Variants in TBC1D17 observed in about 807,000 individuals in gnomAD.
The protein encoded by TBC1D17 is TBC1 domain family member 17, also known as TBC1 domain family, member 17.
TBC1D17 carries 69 observed loss-of-function variants against 78.8 expected under a neutral mutation model. That is an observed-to-expected ratio of 0.88 (90% CI 0.72 to 1.07). The LOEUF is 1.07. Ranked by LOEUF, TBC1D17 falls within the 50% of genes least tolerant of loss-of-function variation. The pLI is 0.00. For synonymous variants in TBC1D17, 456 were observed against 358.3 expected (o/e 1.27, Z -3.08); for missense variants, 957 against 861.0 (o/e 1.11, Z -1.39).
At chr19:49,888,362 G>GACCCCCGCCCC in intron 16 of TBC1D17, 45 bp downstream of exon 16, 1 of 314,328 alleles carries the variant, frequency 3.2e-6, no homozygotes, top group Non-Finnish European at 4.5e-6. Flanking sequence ...AACCCCGACC[G>GACCCCCGCCCC]ACCCCCGCCC....
intron 9 of TBC1D17, 86 bp downstream of exon 9, chr19:49,883,162 T>G: frequency 7.9e-7 from 1 of 1,258,204 alleles, no homozygotes; most frequent in South Asian, 1.4e-5. Context: ...GGACGCTGGT[T>G]GTGAACCTGC....
In TBC1D17 at chr19:49,881,282, T is replaced by C; in HGVS notation, c.334T>C (p.Cys112Arg). 1 of 1,612,874 alleles carries C rather than the reference T, an allele frequency of 6.2e-7. No homozygotes were observed. The highest frequency in any genetic ancestry group is 1.1e-5 in the South Asian group (1 of 91,070). The change falls in exon 5 of 17, where the codon TGC (cysteine) becomes CGC (arginine). Residue 112 changes from cysteine (C) to arginine (R), a missense_variant. Physicochemically the swap from Cys to Arg is radical, Grantham distance 180. Transcript: ENST00000221543. Reference sequence around the variant, plus strand: ...CGTCTCCCTAGGTGCAGAGCCCAGCTGCCCCCAGGGCTCCTGGGCCTTCTC... The same window carrying C: ...CGTCTCCCTAGGTGCAGAGCCCAGCCGCCCCCAGGGCTCCTGGGCCTTCTC... ...SEPTRGAEPS[C>R]PQGSWAFSVS...
chr19:49,878,479 G>T lies in TBC1D17; in HGVS notation c.121-19G>T, dbSNP rs1394904296. 1.2e-6 allele frequency: 2 copies of T among 1,610,900 alleles called. No individual in the cohort carries two copies. The highest frequency in any genetic ancestry group is 1.3e-5 in the African/African-American group (1 of 74,846). ...TGGTTTGGGGAGCGCCTCTAACCCC[G>T]CCTCCCTCCTTACCCTAGGACAATG... On this transcript the variant is annotated intron_variant, in intron 2 of 16. Transcript: ENST00000221543.
Position 49,883,725 on chromosome 19 carries a change from A to G in TBC1D17, c.1106A>G (p.His369Arg), listed in dbSNP as rs772499963. Residue 369 changes from histidine (H) to arginine (R), a missense_variant, in exon 10 of 17, where the codon CAT becomes CGT. His to Arg is a conservative substitution (Grantham distance 29). Transcript: ENST00000221543. ...PEQERRNSLL[H>R]GYRSLIERDV... is the part of the protein sequence containing the mutation. Reference sequence around the variant, plus strand: ...CAGGAGCGGAGAAACTCACTTCTGCATGGATACCGCAGCCTCATCGGTCAG... The same window carrying G: ...CAGGAGCGGAGAAACTCACTTCTGCGTGGATACCGCAGCCTCATCGGTCAG... The G allele has an allele frequency of 5.0e-6, 8 of 1,613,910 alleles. No homozygotes were observed. The highest frequency in any genetic ancestry group is 2.2e-5 in the South Asian group (2 of 91,078).
At position 49,882,801 on chromosome 19, in the gene TBC1D17, C is replaced by G. The variant is rs770726296; in HGVS notation, c.836C>G (p.Pro279Arg). 37 of 1,604,930 alleles carry G rather than the reference C, an allele frequency of 2.3e-5. No individual in the cohort carries two copies. The highest frequency in any genetic ancestry group is 3.1e-5 in the Non-Finnish European group (37 of 1,175,688). The change falls in exon 8 of 17, where the codon CCT (proline) becomes CGT (arginine). Residue 279 changes from proline to arginine, a missense_variant. Pro to Arg is a moderately radical substitution (Grantham distance 103). Coordinates refer to ENST00000221543, the MANE Select transcript of TBC1D17 (RefSeq NM_024682.3). ...LGPRPTVERGPPVTEEEWARH... is the reference protein window; with the variant it reads ...LGPRPTVERGRPVTEEEWARH... ...CCTCGGCCAACCGTGGAGCGGGGCC[C>G]TCCAGTTACAGAGGAGGAGTGGGCA... is the stretch of plus-strand genomic sequence containing the variant.
intron 13 of TBC1D17, chr19:49,886,485 C>A (rs2075059306): frequency 6.6e-6 from 1 of 152,190 alleles, no homozygotes; most frequent in East Asian, 1.9e-4. Flanking sequence ...CTGGGTCATT[C>A]AAAGTCTTCT....
chr19:49,882,578 C>T (rs1223788456), intron 7 of TBC1D17, among the ~76,000 whole-genome samples, 178 bp downstream of exon 7: 1 of 152,192 alleles, frequency 6.6e-6, no homozygotes, highest in Admixed American at 6.5e-5. Flanking sequence ...ACCTGCTCAC[C>T]CTTATTGGGG....
chr19:49,887,471 C>A lies in TBC1D17; in HGVS notation c.1445-5C>A, dbSNP rs2075067778. ...AGGCTGAGTGGGCTCCATGTCATCC[C>A]CCAGATTCCCAGGACTCCGGCTCTC... On this transcript the variant is annotated splice_polypyrimidine_tract_variant and splice_region_variant and intron_variant, in intron 13 of 16. Coordinates refer to ENST00000221543, the MANE Select transcript of TBC1D17 (RefSeq NM_024682.3). The A allele has an allele frequency of 6.2e-7, 1 of 1,613,602 alleles. No individual in the cohort carries two copies. The highest frequency in any genetic ancestry group is 8.5e-7 in the Non-Finnish European group (1 of 1,179,802).
Position 49,882,297 on chromosome 19 carries a change from A to G in TBC1D17, c.695A>G (p.Asn232Ser). Residue 232 changes from asparagine (N) to serine (S), a missense_variant, in exon 7 of 17, where the codon AAC (asparagine) becomes AGC (serine). Transcript: ENST00000221543. ...TTFSSFSRVT[N>S]FFRGALQPQP... ...TTCAGCAGCTTCTCCCGAGTGACCA[A>G]CTTCTTCCGGGGTGCCCTGCAGCCA... The G allele has an allele frequency of 4.3e-6, 7 of 1,611,830 alleles. No homozygotes were observed. The highest frequency in any genetic ancestry group is 5.1e-6 in the Non-Finnish European group (6 of 1,179,908).
Position 49,888,736 on chromosome 19 carries a change from C to A in TBC1D17, c.*112C>A. The A allele has an allele frequency of 9.7e-7, 1 of 1,026,668 alleles. No individual in the cohort carries two copies. Among genetic ancestry groups the A allele is most frequent in the Non-Finnish European group, 1.4e-6 (1 of 725,926 alleles). 63.6% of individuals were successfully genotyped at this position (1,026,668 alleles called of 1,614,324 possible). Reference sequence around the variant, plus strand: ...TGATAAGCTGGCTTCATTAAACTGACACTTCTCATGTGCAGTTGGCTTCTT... The same window carrying A: ...TGATAAGCTGGCTTCATTAAACTGAAACTTCTCATGTGCAGTTGGCTTCTT... On this transcript the variant is annotated 3_prime_UTR_variant, in exon 17 of 17. Transcript: ENST00000221543.
At position 49,882,886 on chromosome 19, in the gene TBC1D17, C is replaced by G; in HGVS notation, c.921C>G (p.Phe307Leu). 6.2e-7 allele frequency: 1 copy of G among 1,607,236 alleles called. No homozygotes were observed. The highest frequency in any genetic ancestry group is 1.1e-5 in the South Asian group (1 of 90,704). Residue 307 changes from phenylalanine (F) to leucine (L), a missense_variant, in exon 8 of 17, where the codon TTC becomes TTG. Transcript: ENST00000221543. Reference protein sequence around the residue: ...QQVPELKNRIFSGGLSPSLRR... With the variant: ...QQVPELKNRILSGGLSPSLRR... The stretch of plus-strand genomic sequence containing the variant: ...TCCCTGAGCTGAAGAACCGGATCTT[C>G]TCGGGGGTGAGTGCCAGGACAGGTG...
chr19:49,887,348 T>C lies in TBC1D17; in HGVS notation c.1445-128T>C, dbSNP rs537334004. On this transcript the variant is annotated intron_variant, in intron 13 of 16. Transcript: ENST00000221543. ...CGTTCAGGGCTGCTCCTGCCTCACC[T>C]CCGAGGTTCCCCAGCCAGGCATAAG... 29 of 924,468 alleles carry C rather than the reference T, an allele frequency of 3.1e-5. No homozygotes were observed. In the Admixed American group the frequency reaches 3.3e-4, roughly 11 times the overall value. The allele number at this position is 924,468 out of a possible 1,614,324, so 57.3% of individuals were successfully genotyped here.
chr19:49,887,998 C>T (rs2075075864), intron 15 of TBC1D17, 164 bp downstream of exon 15: 2 of 903,814 alleles, frequency 2.2e-6, no homozygotes, highest in South Asian at 3.3e-5. Context: ...TGCCCCATGC[C>T]ATGCCTGCTC....
At chr19:49,884,811 G>A in intron 13 of TBC1D17, 53 bp downstream of exon 13, 1 of 1,531,094 alleles carries the variant, frequency 6.5e-7, no homozygotes, top group South Asian at 1.1e-5. Context: ...GACCTTGCCA[G>A]ATTCTCTGGT....
intron 2 of TBC1D17, 128 bp from the exon 3 acceptor site, chr19:49,878,370 A>G (rs2074978902): frequency 2.4e-6 from 3 of 1,233,534 alleles, no homozygotes; most frequent in East Asian, 4.9e-5. Flanking sequence ...GGGTGTGGGA[A>G]CTGGAATGAG....
In TBC1D17 at chr19:49,881,372, G is replaced by C; in HGVS notation, c.424G>C (p.Val142Leu). 1 of 1,613,338 alleles carries C rather than the reference G, an allele frequency of 6.2e-7. No individual in the cohort carries two copies. The highest frequency in any genetic ancestry group is 8.5e-7 in the Non-Finnish European group (1 of 1,179,992). ...SKPGLSWAYL[V>L]LVTQAGGSLP... ...GCCAGGCCTCAGCTGGGCCTACCTG[G>C]TTCTGGTGACCCAGGCTGGAGGTTC... Residue 142 changes from valine to leucine, a missense_variant, in exon 5 of 17, where the codon GTT becomes CTT. Physicochemically the swap from Val to Leu is conservative, Grantham distance 32. Transcript: ENST00000221543.
chr19:49,886,797 A>ATT, intron 13 of TBC1D17: 1 of 150,402 alleles, frequency 6.6e-6, no homozygotes, highest in Non-Finnish European at 1.5e-5. Flanking sequence ...CACCAGCTTA[A>ATT]TTTTTTTTTT....
intron 5 of TBC1D17, 102 bp downstream of exon 5, chr19:49,881,577 T>A: frequency 8.6e-7 from 1 of 1,166,432 alleles, no homozygotes; most frequent in Non-Finnish European, 1.2e-6. Context: ...CACACTGATT[T>A]AAAGGCAGGC....
rs775697448 is a variant in TBC1D17, at chr19:49,882,307, G to T, written c.705G>T (p.Arg235=). ...TCTCCCGAGTGACCAACTTCTTCCG[G>T]GGTGCCCTGCAGCCACAGCCTGAGG... ...SSFSRVTNFF[R]GALQPQPEGA... The change falls in exon 7 of 17, where the codon CGG becomes CGT. Residue 235 remains arginine, a synonymous_variant. Coordinates refer to ENST00000221543, the MANE Select transcript of TBC1D17 (RefSeq NM_024682.3). The T allele has an allele frequency of 1.9e-6, 3 of 1,611,936 alleles. No homozygotes were observed. Among genetic ancestry groups the T allele is most frequent in the South Asian group, 2.2e-5 (2 of 91,082 alleles).
Sources: gnomAD v4.1 joint callset for allele counts (sites outside exome capture counted in the v4.1 genomes callset) on GRCh38, gnomAD v4.1.1 for gene constraint, MANE v1.5 for transcripts, NCBI Gene and HGNC (gene_info 2026-07-23, HGNC 2026-07-21) for gene names.